The following COL5A2 variants were observed in gnomAD, a reference collection of about 807,000 sequenced individuals.
COL5A2 encodes collagen alpha-2(V) chain.
COL5A2 carries 23 observed loss-of-function variants against 208.2 expected under a neutral mutation model. The observed-to-expected ratio is 0.11, with a 90% CI of 0.08 to 0.16. The LOEUF (loss-of-function observed/expected upper bound fraction) is 0.16, where lower values mean the gene tolerates loss of function less well. COL5A2 is among the 10% of genes least tolerant of loss of function. COL5A2 has a pLI of 1.00. For missense variants in COL5A2, 1,590 were observed against 1,956.4 expected, an observed-to-expected ratio of 0.81 and a Z score of 3.53; for synonymous variants, 625 against 628.5, an observed-to-expected ratio of 0.99 and a Z score of 0.08.
At chr2:189,088,862 T>C in intron 7 of COL5A2, 90 bp from the exon 8 acceptor site, 3 of 992,680 alleles carry the variant, frequency 3.0e-6, no homozygotes, top group Non-Finnish European at 4.9e-6. Context: ...TCTCTAGAAT[T>C]CTTATAGAAT....
intron 6 of COL5A2, among the ~76,000 whole-genome samples, chr2:189,096,466 CA>C (rs1220373430): frequency 6.6e-6 from 1 of 151,322 alleles, no homozygotes; most frequent in African/African-American, 2.4e-5. Context: ...CTAAAAAATA[CA>C]AAAAATTAGC....
intron 35 of COL5A2, among the ~76,000 whole-genome samples, chr2:189,055,554 A>G (rs1388919886): frequency 6.6e-6 from 1 of 152,250 alleles, no homozygotes; most frequent in Non-Finnish European, 1.5e-5. Context: ...CTCTGGATCT[A>G]CAATGGAATG....
At chr2:189,421,953 C>T in the COL5A2 span, among the ~76,000 whole-genome samples, 1 of 152,192 alleles carries the variant, frequency 6.6e-6, no homozygotes, top group African/African-American at 2.4e-5. Context: ...CTCCCTAGGA[C>T]TGCAATGGCC....
chr2:189,389,764 G>T, the COL5A2 span, among the ~76,000 whole-genome samples: 1 of 152,014 alleles, frequency 6.6e-6, no homozygotes, highest in African/African-American at 2.4e-5. Context: ...TCATTAATTG[G>T]ATCATTAATG....
intron 1 of COL5A2, among the ~76,000 whole-genome samples, chr2:189,143,901 G>A (rs1424058485): frequency 6.6e-6 from 1 of 152,064 alleles, no homozygotes; most frequent in Non-Finnish European, 1.5e-5. Context: ...CGTATTATGT[G>A]TTCAGTCTTT....
At position 189,079,048 on chromosome 2, in the gene COL5A2, A is replaced by C. The variant is rs201750819; in HGVS notation, c.1005+15T>G. The C allele has an allele frequency of 1.9e-6, 3 of 1,607,394 alleles. No individual in the cohort carries two copies. Among genetic ancestry groups the C allele is most frequent in the Non-Finnish European group, 2.6e-6 (3 of 1,174,364 alleles). The stretch of plus-strand genomic sequence containing the variant: ...TAACCTTAGAAATTTAAGAAACAAG[A>C]AAACGAGCACATACCAGAGGACCCA... On this transcript the variant is annotated intron_variant, in intron 15 of 53. Coordinates refer to ENST00000374866, the MANE Select transcript of COL5A2 (RefSeq NM_000393.5).
the COL5A2 span, among the ~76,000 whole-genome samples, chr2:189,400,919 G>T: frequency 3.3e-5 from 5 of 152,160 alleles, no homozygotes; most frequent in African/African-American, 1.2e-4. Flanking sequence ...ACTCTCAGAG[G>T]ATGAAGTATC....
At chr2:189,060,421 A>T (rs1195146128) in intron 31 of COL5A2, among the ~76,000 whole-genome samples, 1 of 152,240 alleles carries the variant, frequency 6.6e-6, no homozygotes, top group African/African-American at 2.4e-5. Flanking sequence ...CAGGAAAACG[A>T]CAGAATAAAA....
At chr2:189,202,978 C>T (rs1490250784) in intron 1 of COL5A2, among the ~76,000 whole-genome samples, 3 of 151,890 alleles carry the variant, frequency 2.0e-5, no homozygotes, top group Non-Finnish European at 2.9e-5. Context: ...GTATTTTTTC[C>T]TATGGTAGAA....
chr2:189,386,872 T>C, the COL5A2 span, among the ~76,000 whole-genome samples: 1 of 152,332 alleles, frequency 6.6e-6, no homozygotes, highest in South Asian at 2.1e-4. Flanking sequence ...AATACACTGC[T>C]GGTGGGAATG....
At chr2:189,211,888 C>G (rs983094219) in intron 1 of COL5A2, among the ~76,000 whole-genome samples, 1 of 152,082 alleles carries the variant, frequency 6.6e-6, no homozygotes, top group Non-Finnish European at 1.5e-5. Flanking sequence ...TGTGTGGGTA[C>G]AAACCACCAA....
the COL5A2 span, among the ~76,000 whole-genome samples, chr2:189,328,708 T>A: frequency 6.6e-6 from 1 of 152,252 alleles, no homozygotes; most frequent in East Asian, 1.9e-4. Context: ...TATAATAAAG[T>A]CAACTTGGTC....
chr2:189,175,180 CA>C (rs1178010488), intron 1 of COL5A2, among the ~76,000 whole-genome samples: 1 of 152,088 alleles, frequency 6.6e-6, no homozygotes, highest in Non-Finnish European at 1.5e-5. Flanking sequence ...CAGCACCACC[CA>C]GGTAAGGGCT....
chr2:189,070,055 A>AGT (rs1686236767), intron 18 of COL5A2, among the ~76,000 whole-genome samples: 1 of 152,216 alleles, frequency 6.6e-6, no homozygotes. Context: ...AAGCCAAGAT[A>AGT]GTGAGTCCAG....
At chr2:189,285,333 G>C in the COL5A2 span, among the ~76,000 whole-genome samples, 1 of 151,862 alleles carries the variant, frequency 6.6e-6, no homozygotes, top group South Asian at 2.1e-4. Flanking sequence ...ACCTGTTAAA[G>C]CCCTGAACCC....
At chr2:189,258,630 G>A in the COL5A2 span, among the ~76,000 whole-genome samples, 4 of 152,198 alleles carry the variant, frequency 2.6e-5, no homozygotes, top group South Asian at 2.1e-4. Flanking sequence ...ATGAAAGATT[G>A]TAAGGAATAT....
chr2:189,194,259 T>C (rs535391405), intron 1 of COL5A2, among the ~76,000 whole-genome samples: 24 of 152,308 alleles, frequency 1.6e-4, no homozygotes, highest in African/African-American at 5.3e-4. Flanking sequence ...ATTTTTAATA[T>C]AGCATTTAAT....
At chr2:189,074,672 T>C (rs1213270429) in intron 17 of COL5A2, among the ~76,000 whole-genome samples, 2 of 152,236 alleles carry the variant, frequency 1.3e-5, no homozygotes, top group Admixed American at 6.5e-5. Context: ...TCTTTCTTTA[T>C]TTCCAATTTC....
At chr2:189,141,141 A>G (rs895092493) in intron 1 of COL5A2, among the ~76,000 whole-genome samples, 1 of 152,210 alleles carries the variant, frequency 6.6e-6, no homozygotes, top group African/African-American at 2.4e-5. Flanking sequence ...GGGGCTGGGC[A>G]ATATGAGCTG....
Sources: allele counts gnomAD v4.1 joint callset (sites outside exome capture counted in the v4.1 genomes callset), GRCh38; gene constraint gnomAD v4.1.1; transcripts MANE v1.5; gene names NCBI Gene and HGNC (gene_info 2026-07-23, HGNC 2026-07-21).